The following TACR1 variants were observed in gnomAD, a reference collection of about 807,000 sequenced individuals.
TACR1 encodes tachykinin receptor 1.
In TACR1, 25 loss-of-function variants were observed where a neutral mutation model predicts 35.8. That is an observed-to-expected ratio of 0.70 (90% CI 0.51 to 0.98). The LOEUF is 0.98. Among genes scored for constraint, TACR1 ranks in the 50% least tolerant of loss-of-function variants. TACR1 has a pLI of 0.00. For missense variants in TACR1, 478 were observed against 522.9 expected, an observed-to-expected ratio of 0.91 and a Z score of 0.84; for synonymous variants, 195 against 206.7, an observed-to-expected ratio of 0.94 and a Z score of 0.48.
At chr2:75,050,931 C>T in intron 4 of TACR1, 1 of 361,536 alleles carries the variant, frequency 2.8e-6, no homozygotes, top group South Asian at 2.7e-5. Context: ...AGCTTGCAGA[C>T]CTGCCTTACA....
chr2:75,142,221 G>A (rs924792965), intron 1 of TACR1, among the ~76,000 whole-genome samples: 3 of 152,082 alleles, frequency 2.0e-5, no homozygotes, highest in Admixed American at 6.5e-5. Flanking sequence ...TTAAGGTGTC[G>A]GCTCACACTT....
At chr2:75,129,643 A>G (rs566097561) in intron 1 of TACR1, among the ~76,000 whole-genome samples, 6 of 152,256 alleles carry the variant, frequency 3.9e-5, no homozygotes, top group African/African-American at 1.4e-4. Context: ...ACAAATAAAC[A>G]ATTTTTTGAA....
intron 1 of TACR1, among the ~76,000 whole-genome samples, chr2:75,125,068 C>T (rs1326939606): frequency 1.3e-5 from 2 of 152,224 alleles, no homozygotes; most frequent in African/African-American, 4.8e-5. Context: ...GCCCAGTCAT[C>T]ATGTCCTTGT....
chr2:75,113,380 G>A (rs1394072515), intron 2 of TACR1, among the ~76,000 whole-genome samples: 2 of 152,038 alleles, frequency 1.3e-5, no homozygotes, highest in South Asian at 2.1e-4. Context: ...AGGGGCTATT[G>A]GTATGTAGAG....
intron 1 of TACR1, among the ~76,000 whole-genome samples, chr2:75,146,427 G>C (rs944937795): frequency 6.6e-6 from 1 of 152,128 alleles, no homozygotes; most frequent in African/African-American, 2.4e-5. Flanking sequence ...CCGGCCAGCA[G>C]CATCTTAGAA....
intron 2 of TACR1, among the ~76,000 whole-genome samples, chr2:75,115,884 G>C (rs980651814): frequency 8.1e-6 from 1 of 122,744 alleles, no homozygotes; most frequent in Non-Finnish European, 1.6e-5. Context: ...TCCAGCCTGG[G>C]CGACAGAGCG....
At chr2:75,189,793 A>T (rs1344323281) in intron 1 of TACR1, 1 of 152,230 alleles carries the variant, frequency 6.6e-6, no homozygotes, top group Non-Finnish European at 1.5e-5. Context: ...TGAAGATTTT[A>T]ACAAAGCCAG....
chr2:75,152,301 A>G (rs1294592369), intron 1 of TACR1, among the ~76,000 whole-genome samples: 2 of 152,160 alleles, frequency 1.3e-5, no homozygotes, highest in Non-Finnish European at 2.9e-5. Context: ...ATCTCCCATA[A>G]TTCCCACGTG....
intron 1 of TACR1, among the ~76,000 whole-genome samples, chr2:75,191,765 C>T (rs1028113173): frequency 1.3e-5 from 2 of 152,148 alleles, no homozygotes; most frequent in Admixed American, 6.5e-5. Flanking sequence ...CTGCTTGAGG[C>T]ATCGGGTCTG....
chr2:75,166,405 T>C (rs780794680), intron 1 of TACR1, among the ~76,000 whole-genome samples: 1 of 152,226 alleles, frequency 6.6e-6, no homozygotes, highest in Non-Finnish European at 1.5e-5. Context: ...TATTTTAATG[T>C]GTTTTAATAT....
intron 1 of TACR1, among the ~76,000 whole-genome samples, chr2:75,143,409 A>G (rs1387590057): frequency 1.3e-5 from 2 of 152,228 alleles, no homozygotes; most frequent in African/African-American, 2.4e-5. Flanking sequence ...GTCCAAAGAA[A>G]TTTATAAAAA....
At chr2:75,173,826 A>G in intron 1 of TACR1, among the ~76,000 whole-genome samples, 1 of 152,262 alleles carries the variant, frequency 6.6e-6, no homozygotes, top group Admixed American at 6.5e-5. Context: ...TTAAGTCAAG[A>G]GAAAGGCAGA....
intron 1 of TACR1, among the ~76,000 whole-genome samples, chr2:75,126,257 CT>C (rs1367631471): frequency 6.6e-6 from 1 of 152,036 alleles, no homozygotes; most frequent in Non-Finnish European, 1.5e-5. Flanking sequence ...CGATTTCATT[CT>C]TTTTTATGGA....
chr2:75,142,616 A>G (rs939131777), intron 1 of TACR1, among the ~76,000 whole-genome samples: 2 of 152,206 alleles, frequency 1.3e-5, no homozygotes, highest in African/African-American at 2.4e-5. Context: ...TAAGACAGAT[A>G]AGACAAATAA....
intron 1 of TACR1, among the ~76,000 whole-genome samples, chr2:75,175,721 C>CCTAT (rs1675396615): frequency 6.6e-6 from 1 of 152,092 alleles, no homozygotes; most frequent in Non-Finnish European, 1.5e-5. Flanking sequence ...GGGAAACTTC[C>CCTAT]CTATCTCAAT....
chr2:75,088,273 T>C (rs986048598), intron 2 of TACR1, among the ~76,000 whole-genome samples: 1 of 152,106 alleles, frequency 6.6e-6, no homozygotes, highest in African/African-American at 2.4e-5. Flanking sequence ...TCCACCCTTA[T>C]GTCCTGGCCC....
At chr2:75,051,571 C>A in intron 3 of TACR1, 124 bp from the exon 4 acceptor site, 1 of 1,495,866 alleles carries the variant, frequency 6.7e-7, no homozygotes, top group South Asian at 1.3e-5. Flanking sequence ...TTAAAAGACG[C>A]CCCTTCAAGG....
At chr2:75,100,378 C>A (rs1051292569) in intron 2 of TACR1, among the ~76,000 whole-genome samples, 4 of 152,142 alleles carry the variant, frequency 2.6e-5, no homozygotes, top group African/African-American at 9.7e-5. Flanking sequence ...TAAATTATAA[C>A]CTCTCTTTCA....
At chr2:75,179,031 G>T (rs1231416222) in intron 1 of TACR1, among the ~76,000 whole-genome samples, 1 of 152,034 alleles carries the variant, frequency 6.6e-6, no homozygotes. Flanking sequence ...TGAACTCCAG[G>T]TTTAAAAATC....
Sources: allele counts gnomAD v4.1 joint callset (sites outside exome capture counted in the v4.1 genomes callset), GRCh38; gene constraint gnomAD v4.1.1; transcripts MANE v1.5; gene names NCBI Gene and HGNC (gene_info 2026-07-23, HGNC 2026-07-21).